BMERB1: variants seen among roughly 807,000 people sequenced by gnomAD.
BMERB1 encodes bMERB domain containing 1, also known as bMERB domain-containing protein 1.
A neutral mutation model predicts 23.6 loss-of-function variants in BMERB1; 12 were observed. The observed-to-expected ratio is 0.51, with a 90% confidence interval of 0.33 to 0.82. The LOEUF (loss-of-function observed/expected upper bound fraction) is 0.82, where lower values mean the gene tolerates loss of function less well. Among genes scored for constraint, BMERB1 ranks in the 40% least tolerant of loss-of-function variants. The pLI, the probability that BMERB1 is intolerant of heterozygous loss-of-function variation, is 0.03. For missense variants in BMERB1, 247 were observed against 255.4 expected, an observed-to-expected ratio of 0.97 and a Z score of 0.22; for synonymous variants, 122 against 96.6, an observed-to-expected ratio of 1.26 and a Z score of -1.54.
At chr16:15,539,292 C>A (rs377612873) in intron 2 of BMERB1, among the ~76,000 whole-genome samples, 1 of 151,988 alleles carries the variant, frequency 6.6e-6, no homozygotes, top group Admixed American at 6.6e-5. Flanking sequence ...CTAATGCAGC[C>A]GCTGATCTGA....
At chr16:15,580,868 C>G (rs1343277107) in intron 3 of BMERB1, among the ~76,000 whole-genome samples, 2 of 151,326 alleles carry the variant, frequency 1.3e-5, no homozygotes, top group Non-Finnish European at 2.9e-5. Context: ...TTAGTGGTCA[C>G]CCTCTCATCT....
At chr16:15,507,055 A>G (rs1332397685) in intron 1 of BMERB1, among the ~76,000 whole-genome samples, 3 of 152,222 alleles carry the variant, frequency 2.0e-5, no homozygotes, top group Non-Finnish European at 4.4e-5. Context: ...CTCTGGGGCC[A>G]GTACTAGGCA....
intron 2 of BMERB1, among the ~76,000 whole-genome samples, chr16:15,522,756 T>C (rs1413016654): frequency 4.6e-5 from 7 of 152,092 alleles, no homozygotes; most frequent in Non-Finnish European, 8.8e-5. Context: ...GCCCCGCTGC[T>C]CAAACCTCTA....
At chr16:15,474,013 G>A (rs924170076) in intron 1 of BMERB1, among the ~76,000 whole-genome samples, 3 of 151,794 alleles carry the variant, frequency 2.0e-5, no homozygotes, top group African/African-American at 2.4e-5. Flanking sequence ...CCAGCTCCTC[G>A]GGAGGCTGAG....
chr16:15,442,510 A>T (rs1212011904), intron 1 of BMERB1, among the ~76,000 whole-genome samples: 1 of 152,130 alleles, frequency 6.6e-6, no homozygotes, highest in Non-Finnish European at 1.5e-5. Flanking sequence ...TCTGCTCATA[A>T]CTTTGCTCAT....
intron 2 of BMERB1, among the ~76,000 whole-genome samples, chr16:15,543,560 C>A (rs530753938): frequency 6.6e-6 from 1 of 152,162 alleles, no homozygotes; most frequent in African/African-American, 2.4e-5. Context: ...GTGGCTCAAT[C>A]CTATAATCCC....
At chr16:15,586,184 G>C (rs2031134402) in intron 5 of BMERB1, among the ~76,000 whole-genome samples, 1 of 151,866 alleles carries the variant, frequency 6.6e-6, no homozygotes, top group Admixed American at 6.6e-5. Flanking sequence ...AGCACAAAGA[G>C]AAAAAGAGAT....
intron 1 of BMERB1, among the ~76,000 whole-genome samples, chr16:15,513,025 C>A (rs981869896): frequency 5.3e-5 from 8 of 151,640 alleles, no homozygotes; most frequent in African/African-American, 1.7e-4. Flanking sequence ...ATCTTGGGGG[C>A]GGGTGTGGAA....
chr16:15,503,723 C>G (rs1424615896), intron 1 of BMERB1, among the ~76,000 whole-genome samples: 1 of 152,096 alleles, frequency 6.6e-6, no homozygotes, highest in African/African-American at 2.4e-5. Flanking sequence ...GTTATTAGTC[C>G]CATTTTACAG....
chr16:15,465,005 T>C (rs1455647032), intron 1 of BMERB1, among the ~76,000 whole-genome samples: 1 of 152,146 alleles, frequency 6.6e-6, no homozygotes, highest in Non-Finnish European at 1.5e-5. Flanking sequence ...GATGAAGACC[T>C]AACACCCTTG....
At chr16:15,538,447 G>T (rs1326203820) in intron 2 of BMERB1, among the ~76,000 whole-genome samples, 2 of 149,104 alleles carry the variant, frequency 1.3e-5, no homozygotes, top group African/African-American at 5.1e-5. Flanking sequence ...GCAAGACTCT[G>T]TCTCAAAGAA....
chr16:15,484,881 G>A (rs2051354609), intron 1 of BMERB1, among the ~76,000 whole-genome samples: 1 of 152,154 alleles, frequency 6.6e-6, no homozygotes, highest in South Asian at 2.1e-4. Flanking sequence ...CTTATCCACA[G>A]TAGTCACTGT....
intron 1 of BMERB1, among the ~76,000 whole-genome samples, chr16:15,480,602 CTGTCTTTTTTTTT>C (rs1456050206): frequency 1.5e-5 from 2 of 130,538 alleles, no homozygotes; most frequent in African/African-American, 2.7e-5. Context: ...GCCAATTCCA[CTGTCTTTTTTTTT>C]TTTTTTTTTT....
chr16:15,524,503 C>T (rs1259483223), intron 2 of BMERB1, among the ~76,000 whole-genome samples: 1 of 152,140 alleles, frequency 6.6e-6, no homozygotes, highest in Non-Finnish European at 1.5e-5. Context: ...CGCAGTGGCT[C>T]ATACCTGTAA....
At chr16:15,569,220 A>T (rs1567502705) in intron 3 of BMERB1, among the ~76,000 whole-genome samples, 1 of 152,164 alleles carries the variant, frequency 6.6e-6, no homozygotes, top group East Asian at 1.9e-4. Context: ...CGACTCAAAA[A>T]AAAGAAAGAG....
At chr16:15,532,606 C>T (rs1416460991) in intron 2 of BMERB1, among the ~76,000 whole-genome samples, 2 of 139,530 alleles carry the variant, frequency 1.4e-5, no homozygotes, top group Non-Finnish European at 3.0e-5. Flanking sequence ...AGTGCAGTGG[C>T]ACGATCTCGG....
intron 2 of BMERB1, among the ~76,000 whole-genome samples, chr16:15,533,410 T>G (rs78708831): frequency 5.3e-5 from 8 of 151,530 alleles, no homozygotes; most frequent in Non-Finnish European, 1.2e-4. Context: ...TTTTTTTTTT[T>G]CCTGAGATAG....
chr16:15,559,355 G>A (rs8058462), intron 2 of BMERB1, among the ~76,000 whole-genome samples: 2,954 of 152,278 alleles, frequency 0.019, 108 homozygotes, highest in African/African-American at 0.067. Context: ...GAAAGCGGGA[G>A]GGGAAGGTCT....
At chr16:15,582,792 C>T (rs145733803) in intron 4 of BMERB1, among the ~76,000 whole-genome samples, 2 of 152,276 alleles carry the variant, frequency 1.3e-5, no homozygotes, top group South Asian at 2.1e-4. Flanking sequence ...GTGACTCGCT[C>T]TCTGAGACCT....
Sources: allele counts gnomAD v4.1 joint callset (sites outside exome capture counted in the v4.1 genomes callset), GRCh38; gene constraint gnomAD v4.1.1; transcripts MANE v1.5; gene names NCBI Gene and HGNC (gene_info 2026-07-23, HGNC 2026-07-21).